CRACDL: variants seen among roughly 807,000 people sequenced by gnomAD.
CRACDL encodes the protein CRACD-like protein.
Under a neutral mutation model 70.6 loss-of-function variants are expected in CRACDL, and 26 were observed. The ratio of observed to expected loss-of-function variants is 0.37; its 90% CI spans 0.27 to 0.51. The LOEUF (loss-of-function observed/expected upper bound fraction) is 0.51. Ranked by LOEUF, CRACDL falls within the 20% of genes least tolerant of loss-of-function variation. CRACDL has a pLI of 0.94. For synonymous variants in CRACDL, 618 were observed against 615.2 expected (o/e 1.00, Z -0.07); for missense variants, 1,283 against 1,376.9 (o/e 0.93, Z 1.08).
intron 3 of CRACDL, 135 bp from the exon 4 acceptor site, chr2:98,833,132 G>A: frequency 1.3e-6 from 1 of 797,536 alleles, no homozygotes; most frequent in East Asian, 2.6e-5. Context: ...ACATTTCAGT[G>A]GTCCCTGACT....
chr2:98,928,277 A>G (rs56923186), intron 1 of CRACDL, among the ~76,000 whole-genome samples: 1,610 of 152,366 alleles, frequency 0.011, 29 homozygotes, highest in East Asian at 0.071. Context: ...ATGTTAGCGC[A>G]TATACGTATG....
intron 7 of CRACDL, among the ~76,000 whole-genome samples, chr2:98,799,066 G>A (rs180749715): frequency 2.8e-3 from 425 of 152,222 alleles, no homozygotes; most frequent in Admixed American, 4.1e-3. Flanking sequence ...TGCCTGCCAC[G>A]GGATAAAACA....
At chr2:98,810,649 G>A (rs1384356638) in intron 7 of CRACDL, among the ~76,000 whole-genome samples, 1 of 152,144 alleles carries the variant, frequency 6.6e-6, no homozygotes, top group Non-Finnish European at 1.5e-5. Context: ...TGTTGATGAG[G>A]GGGTGGAGAA....
At chr2:98,832,651 G>T in intron 4 of CRACDL, 139 bp from the exon 5 acceptor site, 1 of 1,005,864 alleles carries the variant, frequency 9.9e-7, no homozygotes, top group Non-Finnish European at 1.5e-6. Context: ...ACGTGCATCT[G>T]CCACCAGCTC....
chr2:98,897,089 A>G (rs1368277383), intron 1 of CRACDL, among the ~76,000 whole-genome samples: 1 of 151,892 alleles, frequency 6.6e-6, no homozygotes, highest in African/African-American at 2.4e-5. Context: ...CCCACCCCTA[A>G]AATCCTCCCC....
At chr2:98,891,105 G>T (rs972126835) in intron 1 of CRACDL, among the ~76,000 whole-genome samples, 1 of 151,700 alleles carries the variant, frequency 6.6e-6, no homozygotes, top group South Asian at 2.1e-4. Flanking sequence ...TGGGCTGGAC[G>T]CAGTGGCTCA....
intron 2 of CRACDL, among the ~76,000 whole-genome samples, chr2:98,842,510 T>C (rs1004803571): frequency 1.3e-5 from 2 of 152,154 alleles, no homozygotes; most frequent in African/African-American, 4.8e-5. Flanking sequence ...AGTTGTATAA[T>C]TATCACCACA....
rs1416455040 is a variant in CRACDL at position 98,927,305 on chromosome 2, G to A, written c.-11+8633C>T. Reference sequence around the variant, plus strand: ...GGCCACGCTGGAGGCAGCAGTTACCGGCGGGCCAGCTCTGCAGCGTCACTC... The same window carrying A: ...GGCCACGCTGGAGGCAGCAGTTACCAGCGGGCCAGCTCTGCAGCGTCACTC... On this transcript the variant is annotated intron_variant, in intron 1 of 9. Transcript: ENST00000397899. Among the ~76,000 whole-genome samples the A allele has an allele frequency of 9.9e-5, 15 of 152,236 alleles. 1 individual carries two copies. Among genetic ancestry groups the A allele is most frequent in the Non-Finnish European group, 2.2e-4 (15 of 68,046 alleles).
chr2:98,849,433 G>C (rs1158316988), intron 1 of CRACDL, among the ~76,000 whole-genome samples: 1 of 152,186 alleles, frequency 6.6e-6, no homozygotes, highest in East Asian at 1.9e-4. Flanking sequence ...CCCTGTGGGT[G>C]GGTGTGCAGA....
chr2:98,906,331 G>T (rs1708414603), intron 1 of CRACDL, among the ~76,000 whole-genome samples: 1 of 148,152 alleles, frequency 6.7e-6, no homozygotes, highest in African/African-American at 2.5e-5. Flanking sequence ...GCGCAATCTT[G>T]GCTCACTGCA....
At chr2:98,935,273 A>G (rs541403198) in intron 1 of CRACDL, among the ~76,000 whole-genome samples, 2 of 152,152 alleles carry the variant, frequency 1.3e-5, no homozygotes, top group East Asian at 3.9e-4. Context: ...GGCGGTTTGC[A>G]CCTACACGGA....
At chr2:98,910,612 A>G (rs1341807302) in intron 1 of CRACDL, among the ~76,000 whole-genome samples, 1 of 152,212 alleles carries the variant, frequency 6.6e-6, no homozygotes, top group African/African-American at 2.4e-5. Flanking sequence ...CCCCAAAACC[A>G]GAGTCTGCTC....
At position 98,821,969 on chromosome 2, in the gene CRACDL, C is replaced by T. The variant is rs1386695780; in HGVS notation, c.2304G>A (p.Leu768=). Residue 768 remains leucine, a synonymous_variant, in exon 7 of 10, where the codon CTG becomes CTA. Transcript: ENST00000397899. ...GCTGGTGCGGGAGCGTGAAGCTCTG[C>T]AGAAGCGGCTTCCGGGGCAGGGGCG... ...SKPPLPRKPL[L]QSFTLPHQPA... 2 of 1,536,478 alleles carry T rather than the reference C, an allele frequency of 1.3e-6. No homozygotes were observed. The highest frequency in any genetic ancestry group is 1.8e-6 in the Non-Finnish European group (2 of 1,142,668).
chr2:98,836,154 T>C (rs996641806), intron 3 of CRACDL, among the ~76,000 whole-genome samples: 2 of 152,216 alleles, frequency 1.3e-5, no homozygotes, highest in East Asian at 1.9e-4. Context: ...GAAATCGTTA[T>C]AGATTAACAG....
chr2:98,932,284 C>G (rs1709097758), intron 1 of CRACDL, among the ~76,000 whole-genome samples: 1 of 152,226 alleles, frequency 6.6e-6, no homozygotes, highest in African/African-American at 2.4e-5. Flanking sequence ...AGGCAGTTCT[C>G]TTGCATCTCA....
At chr2:98,833,924 C>T (rs538573390) in intron 3 of CRACDL, among the ~76,000 whole-genome samples, 30 of 152,314 alleles carry the variant, frequency 2.0e-4, no homozygotes, top group Non-Finnish European at 3.1e-4. Flanking sequence ...TGGCCCTGTC[C>T]AACTGTAGAT....
chr2:98,816,061 AG>A (rs1206355218), intron 7 of CRACDL, among the ~76,000 whole-genome samples: 2 of 152,166 alleles, frequency 1.3e-5, no homozygotes, highest in Non-Finnish European at 2.9e-5. Context: ...GGGGTGCAGT[AG>A]GATCTGGGCT....
In CRACDL at chr2:98,858,650, G is replaced by C. The variant is rs1260140004; in HGVS notation, c.-10-11840C>G. ...GGACAAAATAAATATTGAGCAAAAG[G>C]TAATAAAATAGAAAATAGAAAAACA... is the stretch of plus-strand genomic sequence containing the variant. On this transcript the variant is annotated intron_variant, in intron 1 of 9. Coordinates refer to ENST00000397899, the MANE Select transcript of CRACDL (RefSeq NM_207362.3). Among the ~76,000 whole-genome samples, 5 of 151,618 alleles carry C rather than the reference G, an allele frequency of 3.3e-5. No homozygotes were observed. The South Asian group carries it at 1.0e-3, about 32-fold the overall frequency.
intron 1 of CRACDL, among the ~76,000 whole-genome samples, chr2:98,867,863 C>CAT (rs1707206008): frequency 6.6e-6 from 1 of 152,192 alleles, no homozygotes. Context: ...TTTTTCTATG[C>CAT]ATATATCCCC....
Sources: gnomAD v4.1 joint callset for allele counts (sites outside exome capture counted in the v4.1 genomes callset) on GRCh38, gnomAD v4.1.1 for gene constraint, MANE v1.5 for transcripts, NCBI Gene and HGNC (gene_info 2026-07-23, HGNC 2026-07-21) for gene names.